Variants in RASGEF1B observed in about 807,000 individuals in gnomAD.
RASGEF1B encodes RasGEF domain family member 1B.
RASGEF1B carries 30 observed loss-of-function variants against 65.7 expected under a neutral mutation model. That is an observed-to-expected ratio of 0.46 (90% CI 0.34 to 0.62). The LOEUF is 0.62. RASGEF1B is among the 20% of genes least tolerant of loss of function. The probability of loss-of-function intolerance (pLI) is 0.01; values close to 1 mark genes in which losing one functional copy is unlikely to be tolerated. For synonymous variants in RASGEF1B, 175 were observed against 194.8 expected (o/e 0.90, Z 0.85); for missense variants, 495 against 580.1 (o/e 0.85, Z 1.51).
At chr4:81,464,508 T>C (rs1243714687) in intron 1 of RASGEF1B, among the ~76,000 whole-genome samples, 2 of 152,218 alleles carry the variant, frequency 1.3e-5, no homozygotes, top group African/African-American at 4.8e-5. Context: ...CCTTACGAAG[T>C]TGCATTTGTA....
At chr4:81,441,009 G>C (rs1721815250) in intron 9 of RASGEF1B, 80 bp from the exon 10 acceptor site, 3 of 922,940 alleles carry the variant, frequency 3.3e-6, no homozygotes, top group East Asian at 5.0e-5. Flanking sequence ...CACATATTTA[G>C]CTATATACAA....
At chr4:81,445,282 C>A (rs1436957971) in intron 8 of RASGEF1B, among the ~76,000 whole-genome samples, 1 of 152,174 alleles carries the variant, frequency 6.6e-6, no homozygotes, top group East Asian at 1.9e-4. Context: ...ATGTATAAGC[C>A]TTTGTAGATG....
At chr4:81,448,406 G>A (rs1722122187) in intron 4 of RASGEF1B, 122 bp from the exon 5 acceptor site, 3 of 788,706 alleles carry the variant, frequency 3.8e-6, no homozygotes, top group Non-Finnish European at 6.3e-6. Context: ...TTGGTTAAGG[G>A]CAGTTACGGG....
intron 10 of RASGEF1B, 133 bp from the exon 11 acceptor site, chr4:81,434,867 TG>T (rs1721556943): frequency 3.2e-6 from 2 of 620,730 alleles, no homozygotes; most frequent in South Asian, 3.8e-5. Context: ...TACAGTGTTT[TG>T]TTTCTTACAC....
chr4:81,434,054 C>T lies in RASGEF1B; in HGVS notation c.1201-91G>A, dbSNP rs916001146. 39 of 1,126,806 alleles carry T rather than the reference C, an allele frequency of 3.5e-5. No individual in the cohort carries two copies. In the South Asian group the frequency reaches 5.3e-4, roughly 15 times the overall value. The allele number at this position is 1,126,806 out of a possible 1,614,324, so 69.8% of individuals were successfully genotyped here. On this transcript the variant is annotated intron_variant, in intron 11 of 13. Transcript: ENST00000264400. ...GCAATACCATTTGAAATGATTCCTT[C>T]TTATTTTATTAAGGAGACAGGGTTT... is the stretch of plus-strand genomic sequence containing the variant.
intron 12 of RASGEF1B, among the ~76,000 whole-genome samples, chr4:81,432,709 C>G (rs570077696): frequency 1.8e-3 from 272 of 152,184 alleles, no homozygotes; most frequent in Non-Finnish European, 3.3e-3. Flanking sequence ...GGAGTTCTTT[C>G]CTGGTAGTCT....
intron 1 of RASGEF1B, among the ~76,000 whole-genome samples, chr4:81,464,748 G>A (rs116516395): frequency 0.013 from 2,018 of 152,266 alleles, 41 homozygotes; most frequent in African/African-American, 0.046. Context: ...GGCTCTGACA[G>A]TAACCTTGGT....
At chr4:81,440,649 C>T (rs1329663572) in intron 10 of RASGEF1B, among the ~76,000 whole-genome samples, 185 bp downstream of exon 10, 2 of 152,060 alleles carry the variant, frequency 1.3e-5, no homozygotes, top group African/African-American at 4.8e-5. Context: ...CAGCAATATC[C>T]AGTCTAACAA....
intron 13 of RASGEF1B, 99 bp from the exon 14 acceptor site, chr4:81,427,891 T>G: frequency 8.1e-7 from 1 of 1,234,848 alleles, no homozygotes; most frequent in Non-Finnish European, 1.1e-6. Flanking sequence ...CTTTCCTGTG[T>G]TTTAAGTTTG....
intron 10 of RASGEF1B, among the ~76,000 whole-genome samples, chr4:81,436,860 A>G (rs1721648181): frequency 6.6e-6 from 1 of 152,282 alleles, no homozygotes. Flanking sequence ...ATTTCTGAAA[A>G]TAACCAAAAT....
chr4:81,432,229 G>T, intron 13 of RASGEF1B, 70 bp downstream of exon 13: 1 of 935,444 alleles, frequency 1.1e-6, no homozygotes, highest in Non-Finnish European at 1.7e-6. Context: ...CCTATAGAAC[G>T]CATGTGGCTT....
At chr4:81,458,127 T>A (rs17005141) in intron 2 of RASGEF1B, among the ~76,000 whole-genome samples, 1 of 152,188 alleles carries the variant, frequency 6.6e-6, no homozygotes, top group East Asian at 1.9e-4. Context: ...AAAGTGTTTG[T>A]GTCAGAACAT....
rs115354558 is a variant in RASGEF1B at position 81,429,698 on chromosome 4, T to C, written c.1398-1906A>G. On this transcript the variant is annotated intron_variant, in intron 13 of 13. Coordinates refer to ENST00000264400, the MANE Select transcript of RASGEF1B (RefSeq NM_152545.3). ...CAAGTGGCGAGTCGTCGAGAGGACA[T>C]TGAGGGGAGCACACTGGTAGAAGGG... Among the ~76,000 whole-genome samples, 1,422 of 151,668 alleles carry C rather than the reference T, an allele frequency of 9.4e-3. 24 individuals carry two copies. The highest frequency in any genetic ancestry group is 0.033 in the African/African-American group (1,367 of 41,338).
intron 10 of RASGEF1B, among the ~76,000 whole-genome samples, chr4:81,437,739 G>A (rs1464246249): frequency 6.6e-6 from 1 of 152,118 alleles, no homozygotes; most frequent in Non-Finnish European, 1.5e-5. Flanking sequence ...ATCTTACTTA[G>A]GATATTTTAC....
chr4:81,449,870 G>A (rs1314840640), intron 4 of RASGEF1B, among the ~76,000 whole-genome samples: 1 of 152,196 alleles, frequency 6.6e-6, no homozygotes, highest in Non-Finnish European at 1.5e-5. Context: ...TAGTCAAGGT[G>A]TAAAAAGCAT....
intron 10 of RASGEF1B, among the ~76,000 whole-genome samples, chr4:81,435,384 G>C (rs535669454): frequency 7.4e-4 from 95 of 128,454 alleles, no homozygotes; most frequent in Admixed American, 7.3e-4. Context: ...GCAGTCCGCA[G>C]TCCGGCCTGG....
chr4:81,433,064 A>G lies in RASGEF1B; in HGVS notation c.1325-693T>C, dbSNP rs190670574. ...CCTGTCTCTACAAGAAAAAAAAAAA[A>G]AAAGAAAGAAAAAAATTAATCAGGC... is the stretch of plus-strand genomic sequence containing the variant. On this transcript the variant is annotated intron_variant, in intron 12 of 13. Coordinates refer to ENST00000264400, the MANE Select transcript of RASGEF1B (RefSeq NM_152545.3). Among the ~76,000 whole-genome samples the G allele has an allele frequency of 9.2e-4, 140 of 151,508 alleles. No individual in the cohort carries two copies. In the East Asian group the frequency reaches 0.019, roughly 20 times the overall value.
intron 10 of RASGEF1B, among the ~76,000 whole-genome samples, chr4:81,439,704 A>G (rs1721769603): frequency 6.6e-6 from 1 of 152,228 alleles, no homozygotes; most frequent in Admixed American, 6.5e-5. Flanking sequence ...GAAGCTTAAA[A>G]GACCTCATAT....
chr4:81,466,785 A>AGAAGGAAG (rs1722839922), intron 1 of RASGEF1B, among the ~76,000 whole-genome samples: 1 of 144,888 alleles, frequency 6.9e-6, no homozygotes, highest in African/African-American at 2.6e-5. Flanking sequence ...AAAGAAAGAA[A>AGAAGGAAG]GAAAGAAAGA....
Sources: gnomAD v4.1 joint callset for allele counts (sites outside exome capture counted in the v4.1 genomes callset) on GRCh38, gnomAD v4.1.1 for gene constraint, MANE v1.5 for transcripts, NCBI Gene and HGNC (gene_info 2026-07-23, HGNC 2026-07-21) for gene names.